STK26: variants seen among roughly 807,000 people sequenced by gnomAD.
STK26 encodes serine/threonine kinase 26, also known as serine/threonine-protein kinase 26.
A neutral mutation model predicts 34.7 loss-of-function variants in STK26; 14 were observed. The ratio of observed to expected loss-of-function variants is 0.40; its 90% confidence interval spans 0.27 to 0.63. STK26 has a LOEUF of 0.63. Ranked by LOEUF, STK26 falls within the 30% of genes least tolerant of loss-of-function variation. The pLI, the probability that STK26 is intolerant of heterozygous loss-of-function variation, is 0.38. For missense variants in STK26, 226 were observed against 309.1 expected (o/e 0.73, Z 2.02); for synonymous variants, 100 against 109.8 (o/e 0.91, Z 0.56).
At chrX:132,044,772 GATCTATATATATATTTATATAT>G (rs1569330222) in intron 2 of STK26, among the ~76,000 whole-genome samples, 640 of 37,521 alleles carry the variant, frequency 0.017, 47 homozygotes, top group African/African-American at 0.031. Flanking sequence ...TATATAGAGA[GATCTATATATATATTTATATAT>G]ATAGAGAGAG....
At chrX:132,068,189 T>C (rs781378430) in intron 4 of STK26, 26 bp from the exon 5 acceptor site, 2 of 1,007,931 alleles carry the variant, frequency 2.0e-6, no homozygotes, top group African/African-American at 3.9e-5. Context: ...CATATGTGTA[T>C]GTGTGTGTGT....
chrX:132,034,464 G>T (rs1224614777), intron 2 of STK26, among the ~76,000 whole-genome samples: 1 of 107,846 alleles, frequency 9.3e-6, no homozygotes, highest in Non-Finnish European at 1.9e-5. Context: ...CTGCCACTAC[G>T]CCTGGCTAAC....
Position 132,044,671 on chromosome X carries a change from C to CTATA in STK26, c.43-9945_43-9942dup, listed in dbSNP as rs1247702257. 3.3e-3 allele frequency among the ~76,000 whole-genome samples: 126 copies of CTATA among 38,451 alleles called. 17 individuals carry two copies. The highest frequency in any genetic ancestry group is 6.7e-3 in the African/African-American group (61 of 9,132). 33.4% of individuals were successfully genotyped at this position (38,451 alleles called of 115,157 possible). ...TCTCTCTCTCTCTCTCTCTCGAGATCTATATATATATATATATAGAGAGAG... is the reference window on the plus strand; with the variant it reads ...TCTCTCTCTCTCTCTCTCTCGAGATCTATATATATATATATATATATAGAGAGAG... On this transcript the variant is annotated intron_variant, in intron 2 of 11. Transcript: ENST00000394334.
chrX:132,072,567 T>A (rs1159041460), intron 9 of STK26, among the ~76,000 whole-genome samples: 1 of 111,156 alleles, frequency 9.0e-6, no homozygotes, highest in Non-Finnish European at 1.9e-5. Context: ...TGGTATTTTT[T>A]AAGTGCATTT....
In STK26 at chrX:132,060,740, C is replaced by T. The variant is rs759581825; in HGVS notation, c.274-2693C>T. On this transcript the variant is annotated intron_variant, in intron 3 of 11. Transcript: ENST00000394334. ...AATTGATCCTCCCACCTCAGCCTCC[C>T]GAGTAGCTGGGACTACAGGCATATG... Among the ~76,000 whole-genome samples, 170 of 109,098 alleles carry T rather than the reference C, an allele frequency of 1.6e-3. 1 individual carries two copies. Among genetic ancestry groups the T allele is most frequent in the African/African-American group, 5.2e-3 (157 of 29,929 alleles). The allele number at this position is 109,098 out of a possible 115,157, so 94.7% of individuals were successfully genotyped here.
intron 2 of STK26, 65 bp downstream of exon 2, chrX:132,023,724 G>T: frequency 8.8e-7 from 1 of 1,130,038 alleles, no homozygotes; most frequent in African/African-American, 1.8e-5. Context: ...CGCCCTCGGT[G>T]CTGGGCACCG....
chrX:132,034,781 G>T (rs2124135555), intron 2 of STK26, among the ~76,000 whole-genome samples: 1 of 111,349 alleles, frequency 9.0e-6, no homozygotes, highest in East Asian at 2.8e-4. Flanking sequence ...TTAATCTAGG[G>T]CAGTGATGGT....
intron 4 of STK26, among the ~76,000 whole-genome samples, chrX:132,065,521 C>T (rs995900460): frequency 5.4e-5 from 6 of 111,913 alleles, no homozygotes; most frequent in African/African-American, 1.9e-4. Flanking sequence ...AAATCTGTGT[C>T]CCCTATTAGT....
chrX:132,045,030 T>G (rs1320113089), intron 2 of STK26, among the ~76,000 whole-genome samples: 2 of 107,640 alleles, frequency 1.9e-5, no homozygotes, highest in Non-Finnish European at 3.8e-5. Flanking sequence ...GCTGAACTTA[T>G]TAGGTCCTTA....
intron 4 of STK26, among the ~76,000 whole-genome samples, chrX:132,064,946 A>C (rs1322513429): frequency 8.9e-6 from 1 of 111,940 alleles, no homozygotes; most frequent in Non-Finnish European, 1.9e-5. Context: ...AACAGAAATG[A>C]CTATAAGAGA....
chrX:132,038,674 G>C (rs1926150801), intron 2 of STK26, among the ~76,000 whole-genome samples: 1 of 110,830 alleles, frequency 9.0e-6, no homozygotes, highest in Non-Finnish European at 1.9e-5. Context: ...GCTATTTTGT[G>C]GGGAGCGGGG....
rs1927553470 is a variant in STK26, at chrX:132,074,954, C to G, written c.*795C>G. ...ATGTTTTACATCTTCAACTAAAATC[C>G]CATACTATCTGCTTGGATTTGGAGA... On this transcript the variant is annotated 3_prime_UTR_variant, in exon 12 of 12. Transcript: ENST00000394334. 1 of 111,350 alleles carries G rather than the reference C, an allele frequency of 9.0e-6. No homozygotes were observed. Among genetic ancestry groups the G allele is most frequent in the African/African-American group, 3.3e-5 (1 of 30,638 alleles). The allele number at this position is 111,350 out of a possible 1,213,427, so 9.2% of individuals were successfully genotyped here.
rs1232157266 is a variant in STK26 at position 132,068,666 on chromosome X, A to T, written c.597+97A>T. ...ACACTGCCTTATTTTTCCTTGTTTC[A>T]CAAGTGTTTCTTAAGCTAGAGTTAT... On this transcript the variant is annotated intron_variant, in intron 6 of 11. Transcript: ENST00000394334. The T allele has an allele frequency of 4.4e-6, 4 of 908,431 alleles. No homozygotes were observed. In the African/African-American group the frequency reaches 8.0e-5, roughly 18 times the overall value. The allele number at this position is 908,431 out of a possible 1,213,427, so 74.9% of individuals were successfully genotyped here. A position where few individuals can be genotyped will look rare whatever the true frequency, so the allele number is the denominator to read the frequency against.
intron 2 of STK26, among the ~76,000 whole-genome samples, chrX:132,031,487 G>A (rs764853359): frequency 2.7e-5 from 3 of 111,938 alleles, no homozygotes; most frequent in Admixed American, 9.4e-5. Context: ...TTCCCCTCCT[G>A]CTTCCCTTCT....
chrX:132,052,846 T>C (rs1379569717), intron 2 of STK26, among the ~76,000 whole-genome samples: 2 of 112,329 alleles, frequency 1.8e-5, no homozygotes, highest in Admixed American at 1.9e-4. Flanking sequence ...GTTTTATAAC[T>C]GTATCAGGAA....
At chrX:132,064,749 G>A (rs966974734) in intron 4 of STK26, among the ~76,000 whole-genome samples, 6 of 110,900 alleles carry the variant, frequency 5.4e-5, no homozygotes, top group African/African-American at 1.3e-4. Flanking sequence ...TTTTATTTGC[G>A]TGTTTCTGCC....
intron 2 of STK26, among the ~76,000 whole-genome samples, chrX:132,039,288 T>G (rs1926177054): frequency 8.9e-6 from 1 of 111,856 alleles, no homozygotes; most frequent in African/African-American, 3.2e-5. Flanking sequence ...TATCTGTTAA[T>G]TGTGAAAGAA....
At chrX:132,027,637 C>A (rs979423774) in intron 2 of STK26, among the ~76,000 whole-genome samples, 1 of 111,371 alleles carries the variant, frequency 9.0e-6, no homozygotes, top group Non-Finnish European at 1.9e-5. Flanking sequence ...AAAAATGATA[C>A]ATGATAAGGT....
chrX:132,031,462 C>A (rs1925835686), intron 2 of STK26, among the ~76,000 whole-genome samples: 1 of 112,134 alleles, frequency 8.9e-6, no homozygotes, highest in South Asian at 3.7e-4. Flanking sequence ...GTTAGTTCAC[C>A]AATCTGTCCA....
Sources: allele counts gnomAD v4.1 joint callset (sites outside exome capture counted in the v4.1 genomes callset), GRCh38; gene constraint gnomAD v4.1.1; transcripts MANE v1.5; gene names NCBI Gene and HGNC (gene_info 2026-07-23, HGNC 2026-07-21).